Variants in TIMP3 observed in about 807,000 individuals in gnomAD.
The protein encoded by TIMP3 is metalloproteinase inhibitor 3.
Under a neutral mutation model 30.0 loss-of-function variants are expected in TIMP3, and 11 were observed. The ratio of observed to expected loss-of-function variants is 0.37; its 90% CI spans 0.23 to 0.61. The LOEUF (loss-of-function observed/expected upper bound fraction) is 0.61, where lower values mean the gene tolerates loss of function less well. TIMP3 is among the 20% of genes least tolerant of loss of function. The pLI is 0.70. For missense variants in TIMP3, 181 were observed against 276.8 expected (o/e 0.65, Z 2.45); for synonymous variants, 112 against 111.3 (o/e 1.01, Z -0.04).
At chr22:32,844,807 C>T (rs2048015093) in intron 1 of TIMP3, among the ~76,000 whole-genome samples, 1 of 151,836 alleles carries the variant, frequency 6.6e-6, no homozygotes, top group South Asian at 2.1e-4. Flanking sequence ...AACTCCTGGG[C>T]TCAAGCAATC....
At chr22:32,834,021 C>G (rs531860116) in intron 1 of TIMP3, among the ~76,000 whole-genome samples, 1 of 152,104 alleles carries the variant, frequency 6.6e-6, no homozygotes. Flanking sequence ...TGTGTTCATC[C>G]CTGGTACTCT....
intron 1 of TIMP3, among the ~76,000 whole-genome samples, chr22:32,818,001 A>C (rs1215689139): frequency 6.6e-6 from 1 of 152,198 alleles, no homozygotes; most frequent in Non-Finnish European, 1.5e-5. Flanking sequence ...TATGCATACA[A>C]ATTTCAAGAG....
chr22:32,820,526 C>A (rs1305286548), intron 1 of TIMP3, among the ~76,000 whole-genome samples: 1 of 152,176 alleles, frequency 6.6e-6, no homozygotes. Flanking sequence ...CCCCCTTAAC[C>A]CCATTTACTT....
chr22:32,833,392 G>A (rs914591490), intron 1 of TIMP3, among the ~76,000 whole-genome samples: 2 of 152,168 alleles, frequency 1.3e-5, no homozygotes, highest in African/African-American at 4.8e-5. Flanking sequence ...GTGGGAGAAA[G>A]CCACAGGGAA....
At chr22:32,813,944 A>G (rs1036365267) in intron 1 of TIMP3, among the ~76,000 whole-genome samples, 2 of 152,194 alleles carry the variant, frequency 1.3e-5, no homozygotes, top group African/African-American at 4.8e-5. Context: ...GATAAATGTC[A>G]GCCATCATAT....
chr22:32,856,744 T>G (rs987965419), intron 2 of TIMP3, among the ~76,000 whole-genome samples: 2 of 152,232 alleles, frequency 1.3e-5, no homozygotes, highest in African/African-American at 4.8e-5. Flanking sequence ...ACTGATTCAA[T>G]GAACACTGGG....
At position 32,859,289 on chromosome 22, in the gene TIMP3, C is replaced by T; in HGVS notation, c.548C>T (p.Ala183Val). The change falls in exon 5 of 5, where the codon GCC (alanine) becomes GTC (valine). Residue 183 changes from alanine (A) to valine (V), a missense_variant. Physicochemically the swap from Ala to Val is moderately conservative, Grantham distance 64 (BLOSUM62 0). Transcript: ENST00000266085. The part of the protein sequence containing the change: ...GYPGYQSKHY[A>V]CIRQKGGYCS... ...CCTGGCTACCAGTCCAAACACTACG[C>T]CTGCATCCGGCAGAAGGGCGGCTAC... 2 of 1,614,200 alleles carry T rather than the reference C, an allele frequency of 1.2e-6. No homozygotes were observed. The highest frequency in any genetic ancestry group is 3.3e-5 in the Admixed American group (2 of 60,024).
At position 32,801,748 on chromosome 22, in the gene TIMP3, C is replaced by T. The variant is rs953098129; in HGVS notation, c.-254C>T. ...GCGGCGGGCGCTCAGACGGCTTCTC[C>T]TCCTCCTCTTGCTCCTCCAGCTCCT... On this transcript the variant is annotated 5_prime_UTR_variant, in exon 1 of 5. Transcript: ENST00000266085. The surrounding 1 kb of genome is among the most constrained non-coding windows in gnomAD (Gnocchi z 4.7). 4 of 242,152 alleles carry T rather than the reference C, an allele frequency of 1.7e-5. No individual in the cohort carries two copies. The highest frequency in any genetic ancestry group is 9.2e-5 in the African/African-American group (4 of 43,640). 15.0% of individuals were successfully genotyped at this position (242,152 alleles called of 1,614,324 possible).
intron 1 of TIMP3, among the ~76,000 whole-genome samples, chr22:32,822,908 A>AAAC (rs201183941): frequency 2.7e-5 from 4 of 149,968 alleles, no homozygotes; most frequent in Non-Finnish European, 5.9e-5. Flanking sequence ...AATTTGTTAA[A>AAAC]AACAACAACA....
intron 1 of TIMP3, among the ~76,000 whole-genome samples, chr22:32,815,180 TGCACA>T (rs1251582819): frequency 6.6e-6 from 1 of 152,228 alleles, no homozygotes; most frequent in African/African-American, 2.4e-5. Flanking sequence ...TCATGAACTG[TGCACA>T]GGGATATGGG....
At chr22:32,820,312 C>T (rs2047208406) in intron 1 of TIMP3, among the ~76,000 whole-genome samples, 1 of 149,402 alleles carries the variant, frequency 6.7e-6, no homozygotes, top group South Asian at 2.1e-4. Flanking sequence ...GTGTTCTACT[C>T]CGTGTGTGTG....
chr22:32,842,435 A>C (rs1601516680), intron 1 of TIMP3, among the ~76,000 whole-genome samples: 1 of 152,258 alleles, frequency 6.6e-6, no homozygotes, highest in East Asian at 1.9e-4. Context: ...CAGATATCTG[A>C]GAAGGACCTT....
chr22:32,815,125 T>C (rs1569246119), intron 1 of TIMP3, among the ~76,000 whole-genome samples: 1 of 152,240 alleles, frequency 6.6e-6, no homozygotes, highest in Non-Finnish European at 1.5e-5. Context: ...CAGGTCAAGA[T>C]AACATTTGCA....
chr22:32,857,188 A>C, intron 2 of TIMP3, 61 bp from the exon 3 acceptor site: 1 of 1,268,358 alleles, frequency 7.9e-7, no homozygotes, highest in Non-Finnish European at 1.2e-6. Context: ...CAGTGGGATT[A>C]GGGATCATAC....
intron 1 of TIMP3, among the ~76,000 whole-genome samples, chr22:32,829,483 C>T (rs1380826607): frequency 6.6e-6 from 1 of 152,188 alleles, no homozygotes; most frequent in East Asian, 1.9e-4. Context: ...CACTTCTTGG[C>T]CTGGGAATTG....
chr22:32,820,246 G>GTA (rs1326332795), intron 1 of TIMP3, among the ~76,000 whole-genome samples: 3 of 149,902 alleles, frequency 2.0e-5, no homozygotes, highest in African/African-American at 7.3e-5. Flanking sequence ...TCTCCCCTGT[G>GTA]TGTGTGTGTG....
chr22:32,802,274 C>T (rs2046610087), intron 1 of TIMP3, 152 bp downstream of exon 1: 1 of 1,244,698 alleles, frequency 8.0e-7, no homozygotes, highest in Admixed American at 2.7e-5. Flanking sequence ...TGTCCTTGGG[C>T]GGGGGCGCTG....
intron 1 of TIMP3, among the ~76,000 whole-genome samples, chr22:32,815,199 G>A (rs1164002155): frequency 6.6e-6 from 1 of 152,220 alleles, no homozygotes; most frequent in African/African-American, 2.4e-5. Flanking sequence ...ATATGGGGCT[G>A]TTCGAGGTAC....
chr22:32,857,995 G>A, intron 3 of TIMP3, 22 bp from the exon 4 acceptor site: 1 of 1,614,106 alleles, frequency 6.2e-7, no homozygotes, highest in Non-Finnish European at 8.5e-7. Flanking sequence ...ACCTCTCCTT[G>A]TTTTCTTCTT....
Sources: allele counts gnomAD v4.1 joint callset (sites outside exome capture counted in the v4.1 genomes callset), GRCh38; gene constraint gnomAD v4.1.1; non-coding constraint Gnocchi (gnomAD v3.1); transcripts MANE v1.5; gene names NCBI Gene and HGNC (gene_info 2026-07-23, HGNC 2026-07-21).